RNF41: variants seen among roughly 807,000 people sequenced by gnomAD.
RNF41 encodes E3 ubiquitin-protein ligase NRDP1.
Under a neutral mutation model 33.0 loss-of-function variants are expected in RNF41, and 4 were observed. The ratio of observed to expected loss-of-function variants is 0.12; its 90% CI spans 0.06 to 0.28. The LOEUF is 0.28. Among genes scored for constraint, RNF41 ranks in the 10% least tolerant of loss-of-function variants. The pLI, the probability that RNF41 is intolerant of heterozygous loss-of-function variation, is 1.00. For missense variants in RNF41, 228 were observed against 432.6 expected, an observed-to-expected ratio of 0.53 and a Z score of 4.19; for synonymous variants, 164 against 153.2, an observed-to-expected ratio of 1.07 and a Z score of -0.52.
rs1215523633 is a variant in RNF41, at chr12:56,205,413, A to G, written c.*1034T>C. ...CACACCCCCATCCCTGTCCCACCCT[A>G]TCCAGAACCCCCACAATAGGAACAT... On this transcript the variant is annotated 3_prime_UTR_variant, in exon 7 of 7. Transcript: ENST00000345093. 9.9e-5 allele frequency: 15 copies of G among 151,878 alleles called. No individual in the cohort carries two copies. The highest frequency in any genetic ancestry group is 3.4e-4 in the African/African-American group (14 of 41,324). 9.4% of individuals were successfully genotyped at this position (151,878 alleles called of 1,614,324 possible).
At chr12:56,219,102 T>G (rs1032946271) in intron 1 of RNF41, among the ~76,000 whole-genome samples, 7 of 151,768 alleles carry the variant, frequency 4.6e-5, no homozygotes, top group African/African-American at 1.5e-4. Context: ...ACTTCCCAGG[T>G]TCAAACAATT....
At chr12:56,209,957 C>A in intron 4 of RNF41, 1 of 293,554 alleles carries the variant, frequency 3.4e-6, no homozygotes, top group South Asian at 4.8e-5. Flanking sequence ...AAAAATAGGG[C>A]AAGAGGAAAT....
Position 56,204,728 on chromosome 12 carries a change from C to T in RNF41, c.*1719G>A, listed in dbSNP as rs1442480627. On this transcript the variant is annotated 3_prime_UTR_variant, in exon 7 of 7. Transcript: ENST00000345093. ...GTAGTAACCAGAGTAAGTATAGCAG[C>T]GTTTTCAAATTCCTGAGCACAATGT... 1 of 152,610 alleles carries T rather than the reference C, an allele frequency of 6.6e-6. No individual in the cohort carries two copies. Among genetic ancestry groups the T allele is most frequent in the Non-Finnish European group, 1.5e-5 (1 of 68,142 alleles). The allele number at this position is 152,610 out of a possible 1,614,324, so 9.5% of individuals were successfully genotyped here. A position where few individuals can be genotyped will look rare whatever the true frequency, so the allele number is the denominator to read the frequency against.
intron 1 of RNF41, among the ~76,000 whole-genome samples, chr12:56,217,070 C>G (rs1485706543): frequency 4.6e-5 from 7 of 150,680 alleles, no homozygotes; most frequent in African/African-American, 1.7e-4. Context: ...AACCTAGGAG[C>G]TGCAGCTTGC....
At chr12:56,216,100 C>T (rs1258831904) in intron 2 of RNF41, among the ~76,000 whole-genome samples, 4 of 150,296 alleles carry the variant, frequency 2.7e-5, no homozygotes, top group East Asian at 1.9e-4. Context: ...CCAGCCTAGG[C>T]GACAGAGCAA....
In RNF41 at chr12:56,210,436, T is replaced by G; in HGVS notation, c.223A>C (p.Met75Leu). 6.2e-7 allele frequency: 1 copy of G among 1,614,206 alleles called. No homozygotes were observed. The highest frequency in any genetic ancestry group is 8.5e-7 in the Non-Finnish European group (1 of 1,180,034). ...LRPVPRIMRN[M>L]LSKLQIACDN... ...CAGGCAATCTGCAGCTTTGACAACATGTTCCGCATGATCCGAGGTACTGGG... is the reference window on the plus strand; with the variant it reads ...CAGGCAATCTGCAGCTTTGACAACAGGTTCCGCATGATCCGAGGTACTGGG... Residue 75 changes from methionine (M) to leucine (L), a missense_variant, in exon 4 of 7, where the codon ATG (methionine) becomes CTG (leucine). By Grantham distance (15) the Met-to-Leu change is conservative (BLOSUM62 2). This residue lies in a region of RNF41 where 199 missense variants were observed against 334.6 expected (regional missense o/e 0.59). Coordinates refer to ENST00000345093, the MANE Select transcript of RNF41 (RefSeq NM_005785.4).
chr12:56,207,176 C>A, intron 6 of RNF41: 1 of 1,323,344 alleles, frequency 7.6e-7, no homozygotes, highest in Non-Finnish European at 9.9e-7. Flanking sequence ...ACAGTTTACT[C>A]TATGAACTGT....
Position 56,202,668 on chromosome 12 carries a change from C to T in RNF41, c.*3779G>A, listed in dbSNP as rs1565936958. The T allele has an allele frequency of 6.6e-6, 1 of 152,170 alleles. No homozygotes were observed. The highest frequency in any genetic ancestry group is 1.5e-5 in the Non-Finnish European group (1 of 68,032). 9.4% of individuals were successfully genotyped at this position (152,170 alleles called of 1,614,324 possible). ...CAGGAGCTTTATCGTCCTTGGCTCACATATTACTAGTAAATCCACTTAGCA... is the reference window on the plus strand; with the variant it reads ...CAGGAGCTTTATCGTCCTTGGCTCATATATTACTAGTAAATCCACTTAGCA... On this transcript the variant is annotated 3_prime_UTR_variant, in exon 7 of 7. Transcript: ENST00000345093.
At chr12:56,215,891 G>A (rs977586483) in intron 2 of RNF41, among the ~76,000 whole-genome samples, 1 of 151,892 alleles carries the variant, frequency 6.6e-6, no homozygotes, top group Non-Finnish European at 1.5e-5. Flanking sequence ...GGAGGCCGAG[G>A]TGGGTGGATC....
intron 4 of RNF41, among the ~76,000 whole-genome samples, chr12:56,209,281 T>C (rs558164898): frequency 6.6e-6 from 1 of 152,012 alleles, no homozygotes; most frequent in South Asian, 2.1e-4. Flanking sequence ...GCCCCAGCTA[T>C]CAACATTCTT....
chr12:56,219,470 C>A (rs1380391783), intron 1 of RNF41, among the ~76,000 whole-genome samples: 1 of 151,334 alleles, frequency 6.6e-6, no homozygotes, highest in Non-Finnish European at 1.5e-5. Flanking sequence ...GCTGGGATTA[C>A]AGGCGTGAGC....
chr12:56,218,206 A>C (rs1869052525), intron 1 of RNF41, among the ~76,000 whole-genome samples: 1 of 151,622 alleles, frequency 6.6e-6, no homozygotes, highest in East Asian at 1.9e-4. Context: ...CACCCGCCTC[A>C]GCCTCCCAAA....
At chr12:56,210,263 T>G in intron 4 of RNF41, 34 bp downstream of exon 4, 1 of 1,601,166 alleles carries the variant, frequency 6.2e-7, no homozygotes, top group Non-Finnish European at 8.5e-7. Flanking sequence ...GAGATGGCCC[T>G]TATCCATGTG....
chr12:56,221,299 G>C (rs550291759), intron 1 of RNF41, among the ~76,000 whole-genome samples: 1 of 152,148 alleles, frequency 6.6e-6, no homozygotes, highest in African/African-American at 2.4e-5. Context: ...GAGGAGCGGG[G>C]AAGGAATGAG....
At chr12:56,211,352 A>AAT (rs138369744) in intron 3 of RNF41, among the ~76,000 whole-genome samples, 113 of 150,020 alleles carry the variant, frequency 7.5e-4, no homozygotes, top group Admixed American at 1.6e-3. Flanking sequence ...TAAATAAATA[A>AAT]ATATATATAT....
rs567501453 is a variant in RNF41, at chr12:56,204,014, A to G, written c.*2433T>C. 1 of 152,206 alleles carries G rather than the reference A, an allele frequency of 6.6e-6. No homozygotes were observed. Among genetic ancestry groups the G allele is most frequent in the East Asian group, 1.9e-4 (1 of 5,184 alleles). The allele number at this position is 152,206 out of a possible 1,614,324, so 9.4% of individuals were successfully genotyped here. On this transcript the variant is annotated 3_prime_UTR_variant, in exon 7 of 7. Transcript: ENST00000345093. ...GCCACCGCGCCCGGCTATGAAGACT[A>G]TTTTTATAAGTAAATAATTATGAAA...
At chr12:56,217,170 A>G (rs531744071) in intron 1 of RNF41, among the ~76,000 whole-genome samples, 145 of 151,258 alleles carry the variant, frequency 9.6e-4, no homozygotes, top group African/African-American at 3.4e-3. Flanking sequence ...CAAGAGGAAA[A>G]GTAGAGGAGT....
At chr12:56,212,451 C>T (rs997485165) in intron 3 of RNF41, among the ~76,000 whole-genome samples, 1 of 152,138 alleles carries the variant, frequency 6.6e-6, no homozygotes, top group African/African-American at 2.4e-5. Flanking sequence ...GAAGATAAAG[C>T]CTGGAGGTAG....
chr12:56,218,409 C>A (rs891971167), intron 1 of RNF41, among the ~76,000 whole-genome samples: 7 of 151,622 alleles, frequency 4.6e-5, no homozygotes, highest in African/African-American at 1.5e-4. Context: ...ACCACAGGCA[C>A]ACACCACCAT....
Sources: allele counts gnomAD v4.1 joint callset (sites outside exome capture counted in the v4.1 genomes callset), GRCh38; gene constraint gnomAD v4.1.1; regional missense constraint gnomAD v4.1.1; transcripts MANE v1.5; gene names NCBI Gene and HGNC (gene_info 2026-07-23, HGNC 2026-07-21).